The following LPCAT2 variants were observed in gnomAD, a reference collection of about 807,000 sequenced individuals.
The protein encoded by LPCAT2 is 1-AGP acyltransferase 11.
A neutral mutation model predicts 64.7 loss-of-function variants in LPCAT2; 58 were observed. The observed-to-expected ratio is 0.90, with a 90% CI of 0.73 to 1.12. LPCAT2 has a LOEUF of 1.12. Among genes scored for constraint, LPCAT2 ranks in the 50% most tolerant of loss-of-function variants. LPCAT2 has a pLI of 0.00. For missense variants in LPCAT2, 579 were observed against 669.8 expected, an observed-to-expected ratio of 0.86 and a Z score of 1.50; for synonymous variants, 252 against 245.3, an observed-to-expected ratio of 1.03 and a Z score of -0.26.
chr16:55,557,510 T>C, intron 11 of LPCAT2, among the ~76,000 whole-genome samples: 1 of 152,192 alleles, frequency 6.6e-6, no homozygotes. Flanking sequence ...TTTGTTTCTC[T>C]CAGGGTAGTT....
intron 1 of LPCAT2, among the ~76,000 whole-genome samples, chr16:55,523,317 G>A (rs1963124107): frequency 6.6e-6 from 1 of 151,792 alleles, no homozygotes; most frequent in African/African-American, 2.4e-5. Context: ...ATATGTTGGT[G>A]AGGATGTGGA....
chr16:55,584,558 ATAGT>A lies in LPCAT2; in HGVS notation c.*1462_*1465del, dbSNP rs1404816635. 6.6e-6 allele frequency: 1 copy of A among 152,218 alleles called. No homozygotes were observed. 9.4% of individuals were successfully genotyped at this position (152,218 alleles called of 1,614,324 possible). A position where few individuals can be genotyped will look rare whatever the true frequency, so the allele number is the denominator to read the frequency against. On this transcript the variant is annotated 3_prime_UTR_variant, in exon 14 of 14. Coordinates refer to ENST00000262134, the MANE Select transcript of LPCAT2 (RefSeq NM_017839.5). ...CAATTTATTAATATAATGTACAAAA[ATAGT>A]TGGTTCATTTTCTGAATTCAGTCTT... is the stretch of plus-strand genomic sequence containing the variant.
chr16:55,525,818 TAATA>T (rs1963163186), intron 2 of LPCAT2, 171 bp downstream of exon 2: 2 of 384,910 alleles, frequency 5.2e-6, no homozygotes, highest in Non-Finnish European at 9.0e-6. Context: ...GCCTACTCAA[TAATA>T]AATAATTTAT....
chr16:55,552,760 G>T (rs1020190409), intron 11 of LPCAT2, among the ~76,000 whole-genome samples: 1 of 152,176 alleles, frequency 6.6e-6, no homozygotes, highest in Non-Finnish European at 1.5e-5. Context: ...TAAAAAATGT[G>T]AGCAATCATC....
intron 11 of LPCAT2, chr16:55,567,158 C>T: frequency 6.2e-7 from 1 of 1,613,890 alleles, no homozygotes; most frequent in Non-Finnish European, 8.5e-7. Flanking sequence ...TGGACAGTGA[C>T]ACGACTGGTA....
At chr16:55,509,746 T>C (rs1962900507) in intron 1 of LPCAT2, among the ~76,000 whole-genome samples, 1 of 151,916 alleles carries the variant, frequency 6.6e-6, no homozygotes, top group Non-Finnish European at 1.5e-5. Flanking sequence ...GAGATGTGTG[T>C]CTGAGAATTG....
At position 55,520,826 on chromosome 16, in the gene LPCAT2, G is replaced by A. The variant is rs117127153; in HGVS notation, c.172-4682G>A. ...AAACTAAATGTAAACAAAATGCAAC[G>A]TATCAAAATTGTAGGATGCAGTTAA... On this transcript the variant is annotated intron_variant, in intron 1 of 13. Transcript: ENST00000262134. Among the ~76,000 whole-genome samples, 225 of 151,884 alleles carry A rather than the reference G, an allele frequency of 1.5e-3. 2 individuals carry two copies. The East Asian group carries it at 0.022, about 15-fold the overall frequency.
At chr16:55,578,263 A>T (rs1963850178) in intron 12 of LPCAT2, among the ~76,000 whole-genome samples, 1 of 151,990 alleles carries the variant, frequency 6.6e-6, no homozygotes, top group South Asian at 2.1e-4. Context: ...GTATCTCAAG[A>T]CTCATCAGTT....
intron 11 of LPCAT2, among the ~76,000 whole-genome samples, 165 bp from the exon 12 acceptor site, chr16:55,574,466 G>GTATA (rs1412616177): frequency 6.6e-6 from 1 of 152,138 alleles, no homozygotes; most frequent in African/African-American, 2.4e-5. Flanking sequence ...TTCCTTCTTG[G>GTATA]GAATAGTTGG....
At chr16:55,511,655 C>A (rs1351998810) in intron 1 of LPCAT2, among the ~76,000 whole-genome samples, 3 of 152,190 alleles carry the variant, frequency 2.0e-5, no homozygotes, top group Non-Finnish European at 4.4e-5. Flanking sequence ...ATGATGAATT[C>A]TCTTAATTTG....
Position 55,525,647 on chromosome 16 carries a change from G to A in LPCAT2, c.311G>A (p.Arg104Lys). 1 of 1,588,622 alleles carries A rather than the reference G, an allele frequency of 6.3e-7. No homozygotes were observed. Among genetic ancestry groups the A allele is most frequent in the Non-Finnish European group, 8.6e-7 (1 of 1,169,222 alleles). The stretch of plus-strand genomic sequence containing the variant: ...ACCCACCCAATAACTGGTTGGAGGA[G>A]GTAAGAAATAATTTTGTCCAAAATA... ...KLTHPITGWRRKITQTALKFL... is the reference protein window; with the variant it reads ...KLTHPITGWRKKITQTALKFL... Residue 104 changes from arginine to lysine, a missense_variant and splice_region_variant, in exon 2 of 14, where the codon AGG (arginine) becomes AAG (lysine). Physicochemically the swap from Arg to Lys is conservative, Grantham distance 26. Coordinates refer to ENST00000262134, the MANE Select transcript of LPCAT2 (RefSeq NM_017839.5).
intron 8 of LPCAT2, chr16:55,538,589 GT>G (rs1401379302): frequency 7.0e-6 from 1 of 142,352 alleles, no homozygotes; most frequent in Non-Finnish European, 1.5e-5. Flanking sequence ...AGATTTGCAT[GT>G]TTTCTGCCTG....
chr16:55,583,105 T>C lies in LPCAT2; in HGVS notation c.*7T>C, dbSNP rs772408175. 28 of 1,607,348 alleles carry C rather than the reference T, an allele frequency of 1.7e-5. No homozygotes were observed. The highest frequency in any genetic ancestry group is 2.3e-5 in the Non-Finnish European group (27 of 1,175,962). On this transcript the variant is annotated 3_prime_UTR_variant, in exon 14 of 14. Transcript: ENST00000262134. ...AGACAAAAAAGATGACTGAAAGCAG[T>C]ATTTCCAATAAGGAAAACACAGTAG...
At chr16:55,515,996 CTTA>C (rs1229812808) in intron 1 of LPCAT2, among the ~76,000 whole-genome samples, 77 of 152,264 alleles carry the variant, frequency 5.1e-4, no homozygotes, top group African/African-American at 1.8e-3. Flanking sequence ...TAAATCCTAC[CTTA>C]TTAGTAATTA....
At chr16:55,554,433 C>T (rs1330992695) in intron 11 of LPCAT2, among the ~76,000 whole-genome samples, 1 of 152,172 alleles carries the variant, frequency 6.6e-6, no homozygotes, top group Non-Finnish European at 1.5e-5. Context: ...ATGAACCAAC[C>T]TCTGCTAGCT....
intron 2 of LPCAT2, chr16:55,525,968 A>C (rs1190111391): frequency 6.2e-6 from 1 of 161,898 alleles, no homozygotes; most frequent in African/African-American, 2.4e-5. Flanking sequence ...ATACATCCCT[A>C]GTTCGGAAAG....
chr16:55,547,446 T>C (rs191833127), intron 9 of LPCAT2, among the ~76,000 whole-genome samples: 42 of 152,294 alleles, frequency 2.8e-4, no homozygotes, highest in African/African-American at 9.6e-4. Flanking sequence ...GATAAAAGCA[T>C]TGGAAAACAC....
intron 2 of LPCAT2, among the ~76,000 whole-genome samples, chr16:55,527,687 T>C (rs1202092873): frequency 2.6e-5 from 4 of 152,168 alleles, no homozygotes; most frequent in African/African-American, 9.7e-5. Context: ...ATAAATTAAC[T>C]AATCTATAAT....
intron 11 of LPCAT2, among the ~76,000 whole-genome samples, chr16:55,561,370 C>CTT (rs3996858): frequency 0.81 from 112,913 of 139,746 alleles, 47,452 homozygotes; most frequent in Non-Finnish European, 0.92. Flanking sequence ...CCCTCCTATA[C>CTT]TTTTTTTTTT....
Sources: gnomAD v4.1 joint callset for allele counts (sites outside exome capture counted in the v4.1 genomes callset) on GRCh38, gnomAD v4.1.1 for gene constraint, MANE v1.5 for transcripts, NCBI Gene and HGNC (gene_info 2026-07-23, HGNC 2026-07-21) for gene names.